Variants in ZMIZ1 observed in about 807,000 individuals in gnomAD.
ZMIZ1 encodes zinc finger MIZ domain-containing protein 1.
Under a neutral mutation model 113.9 loss-of-function variants are expected in ZMIZ1, and 17 were observed. The ratio of observed to expected loss-of-function variants is 0.15; its 90% CI spans 0.10 to 0.22. ZMIZ1 has a LOEUF of 0.22. ZMIZ1 is among the 10% of genes least tolerant of loss of function. ZMIZ1 has a pLI of 1.00. For missense variants in ZMIZ1, 1,059 were observed against 1,477.8 expected, an observed-to-expected ratio of 0.72 and a Z score of 4.65; for synonymous variants, 607 against 603.1, an observed-to-expected ratio of 1.01 and a Z score of -0.09.
chr10:79,090,814 G>A (rs777092966), intron 1 of ZMIZ1, among the ~76,000 whole-genome samples: 2 of 152,234 alleles, frequency 1.3e-5, no homozygotes, highest in South Asian at 2.1e-4. Context: ...AGGGATGTAT[G>A]TGCCCAGGGC....
intron 7 of ZMIZ1, among the ~76,000 whole-genome samples, chr10:79,263,380 C>T (rs1360346650): frequency 1.3e-5 from 2 of 152,072 alleles, no homozygotes; most frequent in African/African-American, 2.4e-5. Context: ...GGGGTGGAGT[C>T]GGGGGTGCAA....
chr10:79,075,930 G>C (rs931038012), intron 1 of ZMIZ1, among the ~76,000 whole-genome samples: 14 of 152,300 alleles, frequency 9.2e-5, no homozygotes, highest in Middle Eastern at 3.4e-3. Flanking sequence ...CCAATCCGCA[G>C]GGGATGACTG....
chr10:79,300,967 C>T (rs1181835383), intron 17 of ZMIZ1, 25 bp downstream of exon 17: 7 of 1,603,710 alleles, frequency 4.4e-6, no homozygotes, highest in Non-Finnish European at 5.1e-6. Flanking sequence ...CCAGGGGCAG[C>T]GTTGGCACAG....
chr10:79,148,106 CTGTT>C (rs1448849763), intron 3 of ZMIZ1, among the ~76,000 whole-genome samples: 7 of 152,214 alleles, frequency 4.6e-5, no homozygotes, highest in African/African-American at 1.7e-4. Context: ...ATTCATGTGT[CTGTT>C]TGTCCACCTC....
chr10:79,239,582 A>C (rs1849726658), intron 7 of ZMIZ1, among the ~76,000 whole-genome samples: 1 of 152,182 alleles, frequency 6.6e-6, no homozygotes, highest in Admixed American at 6.5e-5. Context: ...CCCAGCACCC[A>C]GCAGAGCCGT....
At chr10:79,213,719 G>A (rs991941450) in intron 6 of ZMIZ1, among the ~76,000 whole-genome samples, 2 of 152,236 alleles carry the variant, frequency 1.3e-5, no homozygotes, top group African/African-American at 4.8e-5. Flanking sequence ...ACCCTTTGTG[G>A]ACTGAGAAAG....
chr10:79,092,046 C>G (rs1277529513), intron 1 of ZMIZ1, among the ~76,000 whole-genome samples: 1 of 152,110 alleles, frequency 6.6e-6, no homozygotes, highest in Non-Finnish European at 1.5e-5. Context: ...GCTGTTCCCA[C>G]CAGCCCCGCT....
At chr10:79,293,755 A>T in intron 12 of ZMIZ1, 102 bp downstream of exon 12, 5 of 1,558,084 alleles carry the variant, frequency 3.2e-6, no homozygotes, top group Non-Finnish European at 3.5e-6. Flanking sequence ...CTTGGACTCC[A>T]GCACACTTGG....
At chr10:79,122,799 A>G (rs761827407) in intron 2 of ZMIZ1, among the ~76,000 whole-genome samples, 50 of 152,142 alleles carry the variant, frequency 3.3e-4, no homozygotes, top group Non-Finnish European at 6.5e-4. Flanking sequence ...TCAGACCCAC[A>G]TCGGGTAGGG....
At chr10:79,231,912 G>A (rs1849410340) in intron 7 of ZMIZ1, among the ~76,000 whole-genome samples, 1 of 152,222 alleles carries the variant, frequency 6.6e-6, no homozygotes, top group Admixed American at 6.5e-5. Context: ...GACCACTCCT[G>A]TGCAGCTAGT....
intron 2 of ZMIZ1, among the ~76,000 whole-genome samples, chr10:79,131,292 CAGG>C (rs1161618293): frequency 1.3e-5 from 2 of 152,000 alleles, no homozygotes; most frequent in Non-Finnish European, 2.9e-5. Flanking sequence ...CTACTCTGTG[CAGG>C]AGAACAGCAC....
intron 4 of ZMIZ1, among the ~76,000 whole-genome samples, chr10:79,196,211 G>T (rs1847826665): frequency 6.6e-6 from 1 of 152,194 alleles, no homozygotes; most frequent in African/African-American, 2.4e-5. Flanking sequence ...CTAGCCATTT[G>T]TTCTTTTATT....
chr10:79,293,028 C>T (rs904312872), intron 11 of ZMIZ1, among the ~76,000 whole-genome samples: 1 of 152,120 alleles, frequency 6.6e-6, no homozygotes, highest in African/African-American at 2.4e-5. Context: ...CCACCCTCAT[C>T]TACCTCCACC....
In ZMIZ1 at chr10:79,175,351, T is replaced by C. The variant is rs181484255; in HGVS notation, c.-50+13218T>C. On this transcript the variant is annotated intron_variant, in intron 4 of 24. Coordinates refer to ENST00000334512, the MANE Select transcript of ZMIZ1 (RefSeq NM_020338.4). ...GGCTCTGGCTCTGCCTCCTTCTGTG[T>C]GTGGGCCTCCTCTCGTGATCATGCC... is the stretch of plus-strand genomic sequence containing the variant. 1.3e-3 allele frequency among the ~76,000 whole-genome samples: 191 copies of C among 152,348 alleles called. 1 individual carries two copies. Among genetic ancestry groups the C allele is most frequent in the Admixed American group, 9.8e-3 (150 of 15,302 alleles).
At chr10:79,221,953 T>A (rs551937044) in intron 7 of ZMIZ1, among the ~76,000 whole-genome samples, 1 of 152,216 alleles carries the variant, frequency 6.6e-6, no homozygotes, top group South Asian at 2.1e-4. Context: ...ATTGGCAAAG[T>A]CAAAACGCAG....
intron 3 of ZMIZ1, among the ~76,000 whole-genome samples, chr10:79,160,035 TTC>T (rs1846047054): frequency 6.6e-6 from 1 of 152,228 alleles, no homozygotes; most frequent in Admixed American, 6.5e-5. Flanking sequence ...GATAATTATT[TTC>T]TCTCTGTCAG....
intron 1 of ZMIZ1, among the ~76,000 whole-genome samples, chr10:79,099,591 G>C (rs984149102): frequency 6.6e-6 from 1 of 152,174 alleles, no homozygotes; most frequent in Non-Finnish European, 1.5e-5. Flanking sequence ...TCCCCTCCCC[G>C]GCTCCCTTCA....
chr10:79,081,687 C>T (rs547919323), intron 1 of ZMIZ1, among the ~76,000 whole-genome samples: 6 of 152,284 alleles, frequency 3.9e-5, no homozygotes, highest in African/African-American at 1.4e-4. Flanking sequence ...GCCACTTAGG[C>T]GCATCTTGCC....
intron 1 of ZMIZ1, among the ~76,000 whole-genome samples, chr10:79,108,537 T>C (rs1263502564): frequency 6.6e-6 from 1 of 151,822 alleles, no homozygotes; most frequent in African/African-American, 2.4e-5. Flanking sequence ...AAAGGTGGGA[T>C]GGGGAAGAAA....
Sources: gnomAD v4.1 joint callset for allele counts (sites outside exome capture counted in the v4.1 genomes callset) on GRCh38, gnomAD v4.1.1 for gene constraint, MANE v1.5 for transcripts, NCBI Gene and HGNC (gene_info 2026-07-23, HGNC 2026-07-21) for gene names.